Variants in ELOVL6 observed in about 807,000 individuals in gnomAD.
ELOVL6 encodes the protein very long chain fatty acid elongase 6.
In ELOVL6, 8 loss-of-function variants were observed where a neutral mutation model predicts 31.7. The ratio of observed to expected loss-of-function variants is 0.25; its 90% CI spans 0.15 to 0.45. The LOEUF is 0.45. Ranked by LOEUF, ELOVL6 falls within the 20% of genes least tolerant of loss-of-function variation. ELOVL6 has a pLI of 1.00. For synonymous variants in ELOVL6, 101 were observed against 117.7 expected (o/e 0.86, Z 0.92); for missense variants, 126 against 326.4 (o/e 0.39, Z 4.73).
chr4:110,051,324 C>T lies in ELOVL6; in HGVS notation c.*14G>A. The T allele has an allele frequency of 6.2e-7, 1 of 1,610,362 alleles. No homozygotes were observed. The highest frequency in any genetic ancestry group is 8.5e-7 in the Non-Finnish European group (1 of 1,177,480). ...TGATGACCCTGAGCTATGGCTTCCT[C>T]CTCAGTTCCAACACTATTCAGCTTT... On this transcript the variant is annotated 3_prime_UTR_variant, in exon 4 of 4. Coordinates refer to ENST00000302274, the MANE Select transcript of ELOVL6 (RefSeq NM_024090.3). The surrounding 1 kb of genome is among the most constrained non-coding windows in gnomAD (Gnocchi z 4.8).
intron 2 of ELOVL6, among the ~76,000 whole-genome samples, chr4:110,071,144 A>T (rs536444428): frequency 6.6e-6 from 1 of 152,200 alleles, no homozygotes; most frequent in East Asian, 1.9e-4. Context: ...ACTGCAAGGA[A>T]GGGAGGTAGC....
chr4:110,083,287 G>A (rs1755938259), intron 2 of ELOVL6, among the ~76,000 whole-genome samples: 1 of 151,716 alleles, frequency 6.6e-6, no homozygotes, highest in Non-Finnish European at 1.5e-5. Context: ...AGGGCAAGAA[G>A]GTCGTCTTCT....
At chr4:110,064,921 T>A (rs1755254046) in intron 2 of ELOVL6, among the ~76,000 whole-genome samples, 1 of 152,186 alleles carries the variant, frequency 6.6e-6, no homozygotes, top group Admixed American at 6.6e-5. Flanking sequence ...TAATCTCTAA[T>A]CAGCCCTTGG....
intron 2 of ELOVL6, among the ~76,000 whole-genome samples, chr4:110,083,936 A>C (rs1755972120): frequency 1.6e-5 from 2 of 125,716 alleles, no homozygotes; most frequent in South Asian, 2.7e-4. Flanking sequence ...ATATATAGAG[A>C]TATATATAAC....
At position 110,110,396 on chromosome 4, in the gene ELOVL6, C is replaced by T. The variant is rs1042731779; in HGVS notation, c.90-4768G>A. On this transcript the variant is annotated intron_variant, in intron 1 of 3. Transcript: ENST00000302274. ...ACGTTAAAAAAAATGGAAATTTTTC[C>T]GCAGATTTTTTTTTTTTTTTTTTTT... Among the ~76,000 whole-genome samples, 20 of 139,378 alleles carry T rather than the reference C, an allele frequency of 1.4e-4. No individual in the cohort carries two copies. In the East Asian group the frequency reaches 1.7e-3, roughly 12 times the overall value. 91.4% of individuals were successfully genotyped at this position (139,378 alleles called of 152,430 possible).
chr4:110,049,425 C>A lies in ELOVL6; in HGVS notation c.*1913G>T, dbSNP rs1341949174. On this transcript the variant is annotated 3_prime_UTR_variant, in exon 4 of 4. Coordinates refer to ENST00000302274, the MANE Select transcript of ELOVL6 (RefSeq NM_024090.3). ...AACTTTATTCTTTTTAAATTCCACA[C>A]ATAAACGAGATGCTGAAAAAGCCCT... The A allele has an allele frequency of 3.9e-5, 6 of 152,572 alleles. No homozygotes were observed. The highest frequency in any genetic ancestry group is 5.9e-5 in the Non-Finnish European group (4 of 68,036). 9.5% of individuals were successfully genotyped at this position (152,572 alleles called of 1,614,324 possible). A position where few individuals can be genotyped will look rare whatever the true frequency, so the allele number is the denominator to read the frequency against.
At chr4:110,123,601 A>C (rs2126254740) in intron 1 of ELOVL6, among the ~76,000 whole-genome samples, 1 of 152,226 alleles carries the variant, frequency 6.6e-6, no homozygotes, top group East Asian at 1.9e-4. Context: ...TGAGGGACAG[A>C]GCACAGTGTT....
chr4:110,129,135 T>C (rs1757594923), intron 1 of ELOVL6, among the ~76,000 whole-genome samples: 1 of 152,230 alleles, frequency 6.6e-6, no homozygotes, highest in South Asian at 2.1e-4. Context: ...CTAAATTGTA[T>C]TTTGAAAACA....
At chr4:110,077,049 C>T (rs1471900427) in intron 2 of ELOVL6, among the ~76,000 whole-genome samples, 1 of 152,200 alleles carries the variant, frequency 6.6e-6, no homozygotes, top group Non-Finnish European at 1.5e-5. Flanking sequence ...GGGGCGCCTG[C>T]CATTGCTGAG....
intron 2 of ELOVL6, among the ~76,000 whole-genome samples, chr4:110,098,194 C>T (rs1033516794): frequency 4.7e-5 from 7 of 150,124 alleles, no homozygotes; most frequent in Non-Finnish European, 3.0e-5. Context: ...TGAGGGATAC[C>T]GTCAAAAAAA....
At chr4:110,113,403 A>AC (rs572459897) in intron 1 of ELOVL6, among the ~76,000 whole-genome samples, 76 of 132,286 alleles carry the variant, frequency 5.7e-4, no homozygotes, top group Middle Eastern at 3.9e-3. Context: ...ACATACTGAG[A>AC]CCCCCTCCAT....
chr4:110,069,418 C>A (rs1433492261), intron 2 of ELOVL6, among the ~76,000 whole-genome samples: 1 of 152,016 alleles, frequency 6.6e-6, no homozygotes, highest in Non-Finnish European at 1.5e-5. Context: ...TTACTGCTTG[C>A]TCCAGCCCAT....
At chr4:110,081,589 A>C (rs1307433811) in intron 2 of ELOVL6, among the ~76,000 whole-genome samples, 1 of 151,392 alleles carries the variant, frequency 6.6e-6, no homozygotes, top group Non-Finnish European at 1.5e-5. Flanking sequence ...TACAAAAATT[A>C]ATTCAAGATG....
chr4:110,092,223 ATC>A (rs1756447156), intron 2 of ELOVL6, among the ~76,000 whole-genome samples: 1 of 152,224 alleles, frequency 6.6e-6, no homozygotes, highest in South Asian at 2.1e-4. Flanking sequence ...GATCTGGGAC[ATC>A]TGTCAATACC....
chr4:110,121,066 G>C (rs539051925), intron 1 of ELOVL6, among the ~76,000 whole-genome samples: 1 of 152,202 alleles, frequency 6.6e-6, no homozygotes, highest in African/African-American at 2.4e-5. Context: ...CTCCCAAAGT[G>C]CTGAGATTAC....
At chr4:110,127,049 A>G (rs1313863970) in intron 1 of ELOVL6, among the ~76,000 whole-genome samples, 1 of 152,136 alleles carries the variant, frequency 6.6e-6, no homozygotes, top group Non-Finnish European at 1.5e-5. Flanking sequence ...GTAGTAGACC[A>G]TCTCTCCTAC....
chr4:110,112,522 T>G (rs1757063897), intron 1 of ELOVL6, among the ~76,000 whole-genome samples: 1 of 152,192 alleles, frequency 6.6e-6, no homozygotes, highest in Non-Finnish European at 1.5e-5. Flanking sequence ...AGTTTTGAAG[T>G]TAGAACCAAA....
At position 110,198,486 on chromosome 4, in the gene ELOVL6, C is replaced by T. The variant is rs943500047; in HGVS notation, c.-151G>A. On this transcript the variant is annotated 5_prime_UTR_variant, in exon 1 of 4. Coordinates refer to ENST00000302274, the MANE Select transcript of ELOVL6 (RefSeq NM_024090.3). ...TCGGTCTCCAGCGGTCGTCTCTTCT[C>T]CCAGCCTCTCAGCTACATCCAGGGC... The T allele has an allele frequency of 1.5e-5, 9 of 597,784 alleles. No homozygotes were observed. Among genetic ancestry groups the T allele is most frequent in the African/African-American group, 1.9e-5 (1 of 52,866 alleles). 37.0% of individuals were successfully genotyped at this position (597,784 alleles called of 1,614,324 possible). A position where few individuals can be genotyped will look rare whatever the true frequency, so the allele number is the denominator to read the frequency against.
At chr4:110,118,970 T>C (rs1578494740) in intron 1 of ELOVL6, among the ~76,000 whole-genome samples, 1 of 152,112 alleles carries the variant, frequency 6.6e-6, no homozygotes, top group South Asian at 2.1e-4. Flanking sequence ...CAGAGGTAGG[T>C]GAATGGCTTT....
Sources: gnomAD v4.1 joint callset for allele counts (sites outside exome capture counted in the v4.1 genomes callset) on GRCh38, gnomAD v4.1.1 for gene constraint, Gnocchi (gnomAD v3.1) non-coding constraint, MANE v1.5 for transcripts, NCBI Gene and HGNC (gene_info 2026-07-23, HGNC 2026-07-21) for gene names.